The following SYT14 variants were observed in gnomAD, a reference collection of about 807,000 sequenced individuals.
The protein encoded by SYT14 is synaptotagmin 14.
In SYT14, 32 loss-of-function variants were observed where a neutral mutation model predicts 74.2. That is an observed-to-expected ratio of 0.43 (90% confidence interval 0.33 to 0.58). The LOEUF (loss-of-function observed/expected upper bound fraction) is 0.58. SYT14 is among the 20% of genes least tolerant of loss of function. The probability of loss-of-function intolerance (pLI) is 0.05; values close to 1 mark genes in which losing one functional copy is unlikely to be tolerated. For missense variants in SYT14, 791 were observed against 981.8 expected, an observed-to-expected ratio of 0.81 and a Z score of 2.60; for synonymous variants, 298 against 337.7, an observed-to-expected ratio of 0.88 and a Z score of 1.29.
intron 5 of SYT14, among the ~76,000 whole-genome samples, chr1:210,026,478 G>A (rs532771879): frequency 3.5e-4 from 53 of 151,974 alleles, no homozygotes; most frequent in Non-Finnish European, 5.2e-4. Context: ...TAGAGATTAC[G>A]TAGCTATACT....
intron 5 of SYT14, among the ~76,000 whole-genome samples, chr1:210,093,349 A>G (rs1446588926): frequency 7.2e-5 from 11 of 152,220 alleles, no homozygotes; most frequent in Admixed American, 6.5e-5. Flanking sequence ...AAAGAGATGC[A>G]CAGTTCATTA....
chr1:209,957,589 G>C (rs1453704587), intron 2 of SYT14, among the ~76,000 whole-genome samples: 6 of 151,950 alleles, frequency 3.9e-5, no homozygotes, highest in Admixed American at 3.9e-4. Flanking sequence ...ACCATGCCCG[G>C]CTAATTTTTG....
intron 2 of SYT14, among the ~76,000 whole-genome samples, chr1:209,954,982 C>T (rs1472628788): frequency 2.0e-5 from 3 of 152,072 alleles, no homozygotes; most frequent in Non-Finnish European, 4.4e-5. Flanking sequence ...CTGGGATTAC[C>T]ACCATGAGCC....
chr1:210,125,216 C>T (rs2082545204), intron 7 of SYT14, among the ~76,000 whole-genome samples: 1 of 151,428 alleles, frequency 6.6e-6, no homozygotes, highest in Non-Finnish European at 1.5e-5. Context: ...ACCCCCATCC[C>T]ACCCTCCCCC....
intron 7 of SYT14, among the ~76,000 whole-genome samples, chr1:210,150,382 G>C (rs960263990): frequency 3.9e-5 from 6 of 152,166 alleles, no homozygotes; most frequent in African/African-American, 1.4e-4. Context: ...AACCCAGCCT[G>C]GCTCTCCTTT....
intron 7 of SYT14, among the ~76,000 whole-genome samples, chr1:210,137,158 A>G (rs1293726581): frequency 6.6e-6 from 1 of 152,196 alleles, no homozygotes; most frequent in Admixed American, 6.5e-5. Flanking sequence ...TGTAATTTGT[A>G]TCAATCCCCT....
At chr1:210,118,854 A>G (rs557813588) in intron 7 of SYT14, among the ~76,000 whole-genome samples, 5 of 152,104 alleles carry the variant, frequency 3.3e-5, no homozygotes, top group Non-Finnish European at 5.9e-5. Context: ...CTTCAGGTCT[A>G]CCCTTTACAA....
intron 2 of SYT14, among the ~76,000 whole-genome samples, chr1:209,978,021 G>T (rs142399161): frequency 1.3e-5 from 2 of 152,062 alleles, no homozygotes; most frequent in East Asian, 3.9e-4. Flanking sequence ...TTGTGCATTC[G>T]TCACGTAGTT....
intron 5 of SYT14, among the ~76,000 whole-genome samples, chr1:210,086,936 A>G (rs1054736950): frequency 6.6e-6 from 1 of 152,066 alleles, no homozygotes; most frequent in Admixed American, 6.5e-5. Context: ...CCTTAAATAT[A>G]TTTATTATTT....
intron 4 of SYT14, among the ~76,000 whole-genome samples, chr1:210,018,805 C>T (rs914798642): frequency 9.9e-5 from 15 of 152,024 alleles, no homozygotes; most frequent in Non-Finnish European, 7.4e-5. Flanking sequence ...TTACTGGTAC[C>T]TGTGTTCCAG....
chr1:210,160,929 T>C, exon 10 of SYT14: 1 of 1,614,034 alleles, frequency 6.2e-7, no homozygotes, highest in Non-Finnish European at 8.5e-7. Flanking sequence ...GATGATAGGC[T>C]GGATTTCTTT....
chr1:210,079,320 C>A (rs1223160480), intron 5 of SYT14, among the ~76,000 whole-genome samples: 2 of 152,012 alleles, frequency 1.3e-5, no homozygotes, highest in Non-Finnish European at 2.9e-5. Context: ...CACAATATAA[C>A]AATTATATAA....
intron 5 of SYT14, among the ~76,000 whole-genome samples, chr1:210,053,760 C>A (rs980338103): frequency 6.6e-6 from 1 of 152,150 alleles, no homozygotes; most frequent in Non-Finnish European, 1.5e-5. Context: ...TATCCTAACT[C>A]TGGTCTTATC....
chr1:210,088,445 C>T (rs544503269), intron 5 of SYT14, among the ~76,000 whole-genome samples: 7 of 151,848 alleles, frequency 4.6e-5, no homozygotes, highest in East Asian at 1.9e-4. Context: ...TGAGAACATG[C>T]GGTGTTTGGT....
Position 210,073,909 on chromosome 1 carries a change from T to G in SYT14, c.1313-20413T>G, listed in dbSNP as rs1487291550. On this transcript the variant is annotated intron_variant, in intron 5 of 9. Coordinates refer to ENST00000637265, the Ensembl canonical transcript of SYT14. ...TTATTTGCATATACTATCACAAAGC[T>G]TTAATTTGGTATATCAAGAAAACAG... 2.2e-5 allele frequency among the ~76,000 whole-genome samples: 3 copies of G among 134,412 alleles called. No homozygotes were observed. In the Admixed American group the frequency reaches 2.3e-4, roughly 10 times the overall value. The allele number at this position is 134,412 out of a possible 152,430, so 88.2% of individuals were successfully genotyped here. A position where few individuals can be genotyped will look rare whatever the true frequency, so the allele number is the denominator to read the frequency against.
At chr1:210,140,981 G>A (rs1242981018) in intron 7 of SYT14, among the ~76,000 whole-genome samples, 1 of 150,506 alleles carries the variant, frequency 6.6e-6, no homozygotes, top group Non-Finnish European at 1.5e-5. Context: ...GGCTATTCTG[G>A]GTCCCTTGCA....
rs1363214424 is a variant in SYT14 at position 210,012,990 on chromosome 1, C to G, written c.-485-643C>G. Among the ~76,000 whole-genome samples the G allele has an allele frequency of 2.6e-5, 4 of 152,086 alleles. No homozygotes were observed. The East Asian group carries it at 7.7e-4, about 29-fold the overall frequency. The stretch of plus-strand genomic sequence containing the variant: ...ATGCTGGGATTGCAGGCATGAGCCA[C>G]CACGCCTGGCCTTTTTTCTAATTCT... On this transcript the variant is annotated intron_variant, in intron 2 of 9. Coordinates refer to ENST00000637265, the Ensembl canonical transcript of SYT14.
At chr1:210,058,775 C>G (rs2081146877) in intron 5 of SYT14, among the ~76,000 whole-genome samples, 1 of 152,114 alleles carries the variant, frequency 6.6e-6, no homozygotes, top group Non-Finnish European at 1.5e-5. Context: ...ATTCCTGTTC[C>G]TTACCCCAAC....
chr1:210,018,195 G>A (rs1572165050), intron 4 of SYT14, among the ~76,000 whole-genome samples: 1 of 152,308 alleles, frequency 6.6e-6, no homozygotes, highest in Admixed American at 6.5e-5. Flanking sequence ...TTGCAGTGGT[G>A]CAATCTCGGC....
Sources: allele counts gnomAD v4.1 joint callset (sites outside exome capture counted in the v4.1 genomes callset), GRCh38; gene constraint gnomAD v4.1.1; transcripts MANE v1.5; gene names NCBI Gene and HGNC (gene_info 2026-07-23, HGNC 2026-07-21).